Variants in KDM2B observed in about 807,000 individuals in gnomAD.
KDM2B encodes the protein lysine-specific demethylase 2B.
Under a neutral mutation model 150.0 loss-of-function variants are expected in KDM2B, and 26 were observed. The observed-to-expected ratio is 0.17, with a 90% CI of 0.13 to 0.24. The LOEUF (loss-of-function observed/expected upper bound fraction) is 0.24, where lower values mean the gene tolerates loss of function less well. Among genes scored for constraint, KDM2B ranks in the 10% least tolerant of loss-of-function variants. The pLI is 1.00. For synonymous variants in KDM2B, 734 were observed against 729.5 expected (o/e 1.01, Z -0.10); for missense variants, 1,265 against 1,816.9 (o/e 0.70, Z 5.52).
chr12:121,554,033 CCACACACACACACACACACA>C (rs56659514), intron 4 of KDM2B, among the ~76,000 whole-genome samples: 20 of 122,142 alleles, frequency 1.6e-4, no homozygotes, highest in Admixed American at 8.1e-4. Context: ...CACCCCAGCT[CCACACACACACACACACACA>C]CACACACACA....
chr12:121,501,611 G>T (rs1324253655), intron 11 of KDM2B, among the ~76,000 whole-genome samples: 1 of 151,838 alleles, frequency 6.6e-6, no homozygotes, highest in Non-Finnish European at 1.5e-5. Flanking sequence ...GGTATTTTTT[G>T]TTGTTGTTTT....
At chr12:121,508,179 TG>T (rs1455101325) in intron 11 of KDM2B, among the ~76,000 whole-genome samples, 2 of 152,024 alleles carry the variant, frequency 1.3e-5, no homozygotes, top group Non-Finnish European at 2.9e-5. Flanking sequence ...AGTGACCTTC[TG>T]GGGTCAAGCA....
intron 12 of KDM2B, among the ~76,000 whole-genome samples, chr12:121,478,866 T>TTGTTTGTTTGTTTGTGTGTG (rs61509046): frequency 5.3e-5 from 7 of 131,216 alleles, no homozygotes; most frequent in South Asian, 2.6e-4. Flanking sequence ...TTTTGTTTGT[T>TTGTTTGTTTGTTTGTGTGTG]TGTGTGTGTG....
At chr12:121,560,029 A>G (rs1457217444) in intron 4 of KDM2B, among the ~76,000 whole-genome samples, 2 of 152,000 alleles carry the variant, frequency 1.3e-5, no homozygotes, top group Non-Finnish European at 2.9e-5. Context: ...TATTTAGGAG[A>G]CGTCTCGCTC....
chr12:121,440,527 C>A (rs1874820461), intron 21 of KDM2B: 1 of 431,808 alleles, frequency 2.3e-6, no homozygotes, highest in African/African-American at 2.0e-5. Context: ...CACGCAGAGC[C>A]CCATGAGCGA....
At chr12:121,561,893 C>T (rs1021964344) in intron 4 of KDM2B, among the ~76,000 whole-genome samples, 2 of 152,228 alleles carry the variant, frequency 1.3e-5, no homozygotes, top group Non-Finnish European at 2.9e-5. Flanking sequence ...AACTTTAGGC[C>T]GGGAGCGGTG....
At chr12:121,580,343 G>T in intron 1 of KDM2B, 2 of 967,624 alleles carry the variant, frequency 2.1e-6, no homozygotes, top group Non-Finnish European at 2.5e-6. Context: ...ATTTGGGGGG[G>T]CTCTCGGCCC....
rs782402823 is a variant in KDM2B at position 121,533,656 on chromosome 12, T to C, written c.778-697A>G. 6.6e-6 allele frequency among the ~76,000 whole-genome samples: 1 copy of C among 152,160 alleles called. No homozygotes were observed. Among genetic ancestry groups the C allele is most frequent in the Non-Finnish European group, 1.5e-5 (1 of 68,018 alleles). The stretch of plus-strand genomic sequence containing the variant: ...GAGCTGAGATGACAGCCAGAGAAGA[T>C]GAATGCTGGACGTTCTCGAGCCAAA... On this transcript the variant is annotated intron_variant, in intron 7 of 22. Coordinates refer to ENST00000377071, the MANE Select transcript of KDM2B (RefSeq NM_032590.5). The surrounding 1 kb of genome is among the most constrained non-coding windows in gnomAD (Gnocchi z 4.1).
intron 12 of KDM2B, among the ~76,000 whole-genome samples, chr12:121,475,650 T>C (rs1186150799): frequency 6.6e-6 from 1 of 151,630 alleles, no homozygotes; most frequent in Non-Finnish European, 1.5e-5. Context: ...TCCTAGGACT[T>C]TGAGAGGCTA....
chr12:121,456,183 C>T (rs1421370874), intron 12 of KDM2B, among the ~76,000 whole-genome samples: 4 of 152,204 alleles, frequency 2.6e-5, no homozygotes, highest in South Asian at 2.1e-4. Context: ...CACACTAAAC[C>T]ACAGCAAATG....
rs548951113 is a variant in KDM2B, at chr12:121,555,990, G to A, written c.398-6352C>T. On this transcript the variant is annotated intron_variant, in intron 4 of 22. Coordinates refer to ENST00000377071, the MANE Select transcript of KDM2B (RefSeq NM_032590.5). The stretch of plus-strand genomic sequence containing the variant: ...CACCTACACTGGAGTACAGTGGCAC[G>A]ATCTCGGCTCACTGCAACCTCTGCC... Among the ~76,000 whole-genome samples, 22 of 151,772 alleles carry A rather than the reference G, an allele frequency of 1.4e-4. No individual in the cohort carries two copies. The Middle Eastern group carries it at 0.01, about 70-fold the overall frequency.
Position 121,513,135 on chromosome 12 carries a change from CT to C in KDM2B, c.1174+140del. On this transcript the variant is annotated intron_variant, in intron 10 of 22. Transcript: ENST00000377071. The surrounding 1 kb of genome is among the most constrained non-coding windows in gnomAD (Gnocchi z 5.0). The stretch of plus-strand genomic sequence containing the variant: ...GGGAAACTGGCAAGAATGGCTTCCC[CT>C]GAGGGGTTCCTAGGATTCTGCCCAA... 1.1e-6 allele frequency: 1 copy of C among 931,534 alleles called. No homozygotes were observed. The highest frequency in any genetic ancestry group is 1.6e-6 in the Non-Finnish European group (1 of 629,794). 57.7% of individuals were successfully genotyped at this position (931,534 alleles called of 1,614,324 possible).
chr12:121,442,034 G>A lies in KDM2B; in HGVS notation c.3284+123C>T. The A allele has an allele frequency of 5.0e-6, 4 of 798,358 alleles. No homozygotes were observed. In the Admixed American group the frequency reaches 9.8e-5, roughly 19 times the overall value. 49.5% of individuals were successfully genotyped at this position (798,358 alleles called of 1,614,324 possible). On this transcript the variant is annotated intron_variant, in intron 19 of 22. Transcript: ENST00000377071. This position sits in a 1 kb window ranked among gnomAD's most constrained non-coding sequence, Gnocchi z 7.7. ...CTGTAGCCAGCTGGAACGCTTTGCG[G>A]AGCACAATGAAGCCATACTGGGGTT... is the stretch of plus-strand genomic sequence containing the variant.
At chr12:121,449,781 CA>C (rs1315606744) in intron 13 of KDM2B, among the ~76,000 whole-genome samples, 1 of 152,122 alleles carries the variant, frequency 6.6e-6, no homozygotes, top group African/African-American at 2.4e-5. Context: ...TGCACATAGA[CA>C]AAAATGCATT....
chr12:121,500,298 CT>C (rs1421689016), intron 11 of KDM2B, among the ~76,000 whole-genome samples: 1 of 152,126 alleles, frequency 6.6e-6, no homozygotes, highest in Non-Finnish European at 1.5e-5. Flanking sequence ...GCTCAGCCCC[CT>C]AAGGGTTACA....
Position 121,521,201 on chromosome 12 carries a change from A to G in KDM2B, c.932-101T>C. 2.6e-6 allele frequency: 2 copies of G among 779,002 alleles called. No homozygotes were observed. Among genetic ancestry groups the G allele is most frequent in the Non-Finnish European group, 2.2e-6 (1 of 459,632 alleles). 48.3% of individuals were successfully genotyped at this position (779,002 alleles called of 1,614,324 possible). A position where few individuals can be genotyped will look rare whatever the true frequency, so the allele number is the denominator to read the frequency against. On this transcript the variant is annotated intron_variant, in intron 8 of 22. Transcript: ENST00000377071. The surrounding 1 kb of genome is among the most constrained non-coding windows in gnomAD (Gnocchi z 4.9). ...GGAGAGCGAGCGTGCAGGAGGGTGC[A>G]GGGAGTGGAGAAGAGCAGCCAGGGC...
intron 22 of KDM2B, among the ~76,000 whole-genome samples, chr12:121,432,719 G>C (rs1873268280): frequency 6.6e-6 from 1 of 152,192 alleles, no homozygotes; most frequent in South Asian, 2.1e-4. Flanking sequence ...CCTGTTCCCA[G>C]CTCCCTATCT....
chr12:121,415,073 G>A, the KDM2B span, among the ~76,000 whole-genome samples: 2 of 146,546 alleles, frequency 1.4e-5, no homozygotes, highest in African/African-American at 4.9e-5. Context: ...TCCAGCCTGG[G>A]CAACAAGAGT....
rs113925677 is a variant in KDM2B at position 121,571,653 on chromosome 12, ATT to A, written c.397+2892_397+2893del. On this transcript the variant is annotated intron_variant, in intron 4 of 22. Coordinates refer to ENST00000377071, the MANE Select transcript of KDM2B (RefSeq NM_032590.5). ...TTTATAGTATGTGAATATGATCTCAATTTTTTTTTTTTTTTGAGACAGTGTCT... is the reference window on the plus strand; with the variant it reads ...TTTATAGTATGTGAATATGATCTCAATTTTTTTTTTTTTGAGACAGTGTCT... Among the ~76,000 whole-genome samples, 719 of 134,146 alleles carry A rather than the reference ATT, an allele frequency of 5.4e-3. 5 individuals are homozygous for A. The highest frequency in any genetic ancestry group is 0.019 in the African/African-American group (690 of 36,704). 88.0% of individuals were successfully genotyped at this position (134,146 alleles called of 152,430 possible).
Sources: allele counts gnomAD v4.1 joint callset (sites outside exome capture counted in the v4.1 genomes callset), GRCh38; gene constraint gnomAD v4.1.1; non-coding constraint Gnocchi (gnomAD v3.1); transcripts MANE v1.5; gene names NCBI Gene and HGNC (gene_info 2026-07-23, HGNC 2026-07-21).